The following PRR5L variants were observed in gnomAD, a reference collection of about 807,000 sequenced individuals.
PRR5L encodes the protein proline rich 5 like.
PRR5L carries 21 observed loss-of-function variants against 36.4 expected under a neutral mutation model. The observed-to-expected ratio is 0.58, with a 90% CI of 0.41 to 0.83. The LOEUF (loss-of-function observed/expected upper bound fraction) is 0.83, where lower values mean the gene tolerates loss of function less well. Among genes scored for constraint, PRR5L ranks in the 40% least tolerant of loss-of-function variants. The pLI is 0.00. For synonymous variants in PRR5L, 188 were observed against 197.0 expected (o/e 0.95, Z 0.38); for missense variants, 381 against 473.3 (o/e 0.80, Z 1.81).
At chr11:36,423,215 T>C (rs1341437626) in intron 4 of PRR5L, among the ~76,000 whole-genome samples, 1 of 152,190 alleles carries the variant, frequency 6.6e-6, no homozygotes, top group Non-Finnish European at 1.5e-5. Flanking sequence ...CATGGATACC[T>C]GGTAATGTGT....
chr11:36,351,467 A>T (rs909580721), intron 1 of PRR5L, among the ~76,000 whole-genome samples: 5 of 53,112 alleles, frequency 9.4e-5, no homozygotes, highest in Non-Finnish European at 9.3e-5. Context: ...TTATATATTT[A>T]TATATACATA....
intron 8 of PRR5L, among the ~76,000 whole-genome samples, chr11:36,459,838 C>A (rs1342643022): frequency 6.6e-6 from 1 of 152,174 alleles, no homozygotes; most frequent in African/African-American, 2.4e-5. Flanking sequence ...AGTCCTTTAC[C>A]CCATCTTCAT....
chr11:36,438,985 A>T (rs1233508150), intron 6 of PRR5L, among the ~76,000 whole-genome samples: 1 of 152,190 alleles, frequency 6.6e-6, no homozygotes, highest in African/African-American at 2.4e-5. Context: ...TTGCATATAT[A>T]AGCAAATAAT....
At chr11:36,345,360 A>G (rs1324314824) in intron 1 of PRR5L, among the ~76,000 whole-genome samples, 1 of 152,186 alleles carries the variant, frequency 6.6e-6, no homozygotes, top group Non-Finnish European at 1.5e-5. Context: ...GTAACCTGCC[A>G]TAGGGAACAT....
rs1857859059 is a variant in PRR5L, at chr11:36,404,140, T to C, written c.245+762T>C. Among the ~76,000 whole-genome samples the C allele has an allele frequency of 2.6e-5, 4 of 152,302 alleles. No individual in the cohort carries two copies. In the South Asian group the frequency reaches 8.3e-4, roughly 32 times the overall value. On this transcript the variant is annotated intron_variant, in intron 3 of 8. Coordinates refer to ENST00000530639, the MANE Select transcript of PRR5L (RefSeq NM_001160167.2). ...AAGGAACCAAAAGAAGGCCCATCCATGTGCATAGAGCACCAGAAGTTGAGT... is the reference window on the plus strand; with the variant it reads ...AAGGAACCAAAAGAAGGCCCATCCACGTGCATAGAGCACCAGAAGTTGAGT...
At chr11:36,367,641 C>T (rs1590489832) in intron 1 of PRR5L, among the ~76,000 whole-genome samples, 1 of 152,114 alleles carries the variant, frequency 6.6e-6, no homozygotes, top group Non-Finnish European at 1.5e-5. Flanking sequence ...TTTCAAAGGA[C>T]AACTTGACCT....
At chr11:36,440,442 T>C (rs1269434028) in intron 6 of PRR5L, among the ~76,000 whole-genome samples, 1 of 152,172 alleles carries the variant, frequency 6.6e-6, no homozygotes, top group Non-Finnish European at 1.5e-5. Context: ...AACCATGGGC[T>C]TAGAAGTCCC....
At chr11:36,403,748 C>T (rs1398123530) in intron 3 of PRR5L, among the ~76,000 whole-genome samples, 1 of 152,192 alleles carries the variant, frequency 6.6e-6, no homozygotes, top group African/African-American at 2.4e-5. Context: ...TTATTGTGTT[C>T]TTCCTTTTAC....
At chr11:36,351,857 G>A (rs956546368) in intron 1 of PRR5L, among the ~76,000 whole-genome samples, 1 of 144,036 alleles carries the variant, frequency 6.9e-6, no homozygotes, top group African/African-American at 2.6e-5. Context: ...CCACATTTTT[G>A]CAATTGCGAA....
At chr11:36,324,881 G>T (rs944341120) in intron 1 of PRR5L, among the ~76,000 whole-genome samples, 2 of 151,962 alleles carry the variant, frequency 1.3e-5, no homozygotes, top group Admixed American at 6.5e-5. Flanking sequence ...TTTAGTGAAA[G>T]TCTGACTGTA....
rs1189706342 is a variant in PRR5L at position 36,455,579 on chromosome 11, T to C, written c.712+4244T>C. The C allele has an allele frequency of 2.0e-5, 3 of 152,726 alleles. No individual in the cohort carries two copies. The East Asian group carries it at 5.8e-4, about 30-fold the overall frequency. The allele number at this position is 152,726 out of a possible 1,614,324, so 9.5% of individuals were successfully genotyped here. On this transcript the variant is annotated intron_variant, in intron 8 of 8. Coordinates refer to ENST00000530639, the MANE Select transcript of PRR5L (RefSeq NM_001160167.2). ...CCTCTTCCCGCTAAAAGGGCACCAC[T>C]GCAAGGGAAGGGCTGGTTTGGAGCC... is the stretch of plus-strand genomic sequence containing the variant.
At position 36,418,034 on chromosome 11, in the gene PRR5L, C is replaced by T. The variant is rs536580044; in HGVS notation, c.246-1221C>T. 2.0e-5 allele frequency among the ~76,000 whole-genome samples: 3 copies of T among 152,210 alleles called. No homozygotes were observed. In the East Asian group the frequency reaches 5.8e-4, roughly 29 times the overall value. On this transcript the variant is annotated intron_variant, in intron 3 of 8. Transcript: ENST00000530639. ...GAAAAGGAGAGCTGGTGTCAATATC[C>T]CTATTTTCCATTTGTATTTTATTAG...
At chr11:36,403,477 TTTC>T in intron 3 of PRR5L, 99 bp downstream of exon 3, 2 of 856,436 alleles carry the variant, frequency 2.3e-6, no homozygotes, top group Non-Finnish European at 3.6e-6. Flanking sequence ...TTTTTTTTTT[TTTC>T]CTGCTTGATT....
chr11:36,341,054 C>G (rs1405497735), intron 1 of PRR5L, among the ~76,000 whole-genome samples: 1 of 152,164 alleles, frequency 6.6e-6, no homozygotes, highest in East Asian at 1.9e-4. Context: ...CCCAGATTCT[C>G]TCCGGGAAAG....
intron 3 of PRR5L, among the ~76,000 whole-genome samples, chr11:36,415,561 G>A (rs1226904420): frequency 6.6e-6 from 1 of 152,280 alleles, no homozygotes; most frequent in East Asian, 1.9e-4. Flanking sequence ...CTGCCCAAAA[G>A]GGTGAAACCC....
At chr11:36,350,175 TGTGTGTGTGGGAGGGTGGGTGGGTGTGA>T (rs1485800347) in intron 1 of PRR5L, 1 of 67,178 alleles carries the variant, frequency 1.5e-5, no homozygotes, top group Non-Finnish European at 2.8e-5. Context: ...GGAGGGTGGG[TGTGTGTGTGGGAGGGTGGGTGGGTGTGA>T]GTGTGTGTGG....
intron 7 of PRR5L, among the ~76,000 whole-genome samples, chr11:36,449,696 T>G (rs1258739632): frequency 1.3e-5 from 2 of 152,182 alleles, no homozygotes; most frequent in Non-Finnish European, 2.9e-5. Flanking sequence ...TCTTAATGAT[T>G]TTTGAACACG....
intron 1 of PRR5L, among the ~76,000 whole-genome samples, chr11:36,320,687 A>G (rs117647191): frequency 0.012 from 1,889 of 152,310 alleles, 17 homozygotes; most frequent in Middle Eastern, 0.02. Context: ...CAGAGTGTGA[A>G]CTGGTATAGA....
At chr11:36,449,270 G>A (rs1325153551) in intron 7 of PRR5L, among the ~76,000 whole-genome samples, 2 of 152,200 alleles carry the variant, frequency 1.3e-5, no homozygotes, top group African/African-American at 2.4e-5. Flanking sequence ...TTGGGCCTCC[G>A]TACTTAGAAT....
Sources: gnomAD v4.1 joint callset for allele counts (sites outside exome capture counted in the v4.1 genomes callset) on GRCh38, gnomAD v4.1.1 for gene constraint, MANE v1.5 for transcripts, NCBI Gene and HGNC (gene_info 2026-07-23, HGNC 2026-07-21) for gene names.